Variants in PFKFB3 observed in about 807,000 individuals in gnomAD.
PFKFB3 encodes 6-phosphofructo-2-kinase/fructose-2,6-bisphosphatase 3.
PFKFB3 carries 33 observed loss-of-function variants against 68.0 expected under a neutral mutation model. The ratio of observed to expected loss-of-function variants is 0.49; its 90% CI spans 0.37 to 0.65. The LOEUF (loss-of-function observed/expected upper bound fraction) is 0.65. Ranked by LOEUF, PFKFB3 falls within the 30% of genes least tolerant of loss-of-function variation. The probability of loss-of-function intolerance (pLI) is 0.00; values close to 1 mark genes in which losing one functional copy is unlikely to be tolerated. For synonymous variants in PFKFB3, 315 were observed against 288.2 expected, an observed-to-expected ratio of 1.09 and a Z score of -0.94; for missense variants, 586 against 712.2, an observed-to-expected ratio of 0.82 and a Z score of 2.02.
chr10:6,226,041 C>G, intron 13 of PFKFB3, 151 bp from the exon 14 acceptor site: 1 of 651,516 alleles, frequency 1.5e-6, no homozygotes, highest in Non-Finnish European at 2.7e-6. Context: ...ACTCAGCAGC[C>G]CATGGTCCCT....
chr10:6,157,322 G>A (rs1338589736), intron 1 of PFKFB3, among the ~76,000 whole-genome samples: 2 of 151,532 alleles, frequency 1.3e-5, no homozygotes, highest in African/African-American at 4.8e-5. Flanking sequence ...CACCTCCTGG[G>A]TTCACGCCAT....
chr10:6,316,946 T>G, the PFKFB3 span, among the ~76,000 whole-genome samples: 1 of 152,186 alleles, frequency 6.6e-6, no homozygotes, highest in South Asian at 2.1e-4. Context: ...GTCCACTTTT[T>G]GTACTCCAAA....
chr10:6,294,256 C>A, the PFKFB3 span: 14 of 529,312 alleles, frequency 2.6e-5, no homozygotes, highest in East Asian at 7.6e-4. Flanking sequence ...GGGTTTGCAG[C>A]AAAAGCAGTG....
chr10:6,223,192 C>T (rs1321044209), intron 11 of PFKFB3, among the ~76,000 whole-genome samples: 2 of 152,158 alleles, frequency 1.3e-5, no homozygotes, highest in African/African-American at 2.4e-5. Context: ...CTGTGGAGCC[C>T]AGGTTGATGC....
At chr10:6,268,070 T>TGTCC in the PFKFB3 span, among the ~76,000 whole-genome samples, 3 of 151,840 alleles carry the variant, frequency 2.0e-5, no homozygotes, top group Non-Finnish European at 4.4e-5. Context: ...GCAGTTCTCA[T>TGTCC]GTCCGCTGCT....
chr10:6,247,572 C>G (rs926382894), intron 14 of PFKFB3, among the ~76,000 whole-genome samples: 1 of 152,208 alleles, frequency 6.6e-6, no homozygotes, highest in Non-Finnish European at 1.5e-5. Context: ...CTCCCCTCTC[C>G]CCGCCAGCCC....
chr10:6,283,092 A>G, the PFKFB3 span, among the ~76,000 whole-genome samples: 1 of 152,140 alleles, frequency 6.6e-6, no homozygotes, highest in Non-Finnish European at 1.5e-5. Flanking sequence ...CAGCCTCCTG[A>G]GTAGCTGGGA....
the PFKFB3 span, among the ~76,000 whole-genome samples, chr10:6,267,521 A>T: frequency 6.6e-6 from 1 of 152,154 alleles, no homozygotes; most frequent in Non-Finnish European, 1.5e-5. Flanking sequence ...GTCAAACAGA[A>T]AGTGCGGTGT....
chr10:6,215,145 C>A lies in PFKFB3; in HGVS notation c.203-76C>A. The A allele has an allele frequency of 7.8e-7, 1 of 1,287,704 alleles. No individual in the cohort carries two copies. The highest frequency in any genetic ancestry group is 1.1e-6 in the Non-Finnish European group (1 of 891,316). The allele number at this position is 1,287,704 out of a possible 1,614,324, so 79.8% of individuals were successfully genotyped here. On this transcript the variant is annotated intron_variant, in intron 2 of 14. Coordinates refer to ENST00000379775, the MANE Select transcript of PFKFB3 (RefSeq NM_004566.4). This position sits in a 1 kb window ranked among gnomAD's most constrained non-coding sequence, Gnocchi z 4.3. ...TTGGCCTGGTGGCTCTTCCTTTGGT[C>A]GATCCTATGGTCCCGGTGTGAGCTG...
chr10:6,323,722 G>A, the PFKFB3 span, among the ~76,000 whole-genome samples: 9 of 152,096 alleles, frequency 5.9e-5, no homozygotes, highest in Admixed American at 1.3e-4. Context: ...ACTTCACACC[G>A]AAGCCAATGA....
At chr10:6,200,152 C>T (rs1382558981), upstream of PFKFB3, among the ~76,000 whole-genome samples, 1 of 152,180 alleles carries the variant, frequency 6.6e-6, no homozygotes, top group East Asian at 1.9e-4. Context: ...TCCCATAAAG[C>T]AAGTGGGGTT....
At chr10:6,155,728 G>A (rs994664417) in intron 1 of PFKFB3, among the ~76,000 whole-genome samples, 12 of 152,004 alleles carry the variant, frequency 7.9e-5, no homozygotes, top group African/African-American at 2.9e-4. Context: ...ATATTTCCCC[G>A]GTTTCAACCT....
chr10:6,242,054 C>G (rs1043547364), intron 14 of PFKFB3, among the ~76,000 whole-genome samples: 1 of 152,016 alleles, frequency 6.6e-6, no homozygotes, highest in African/African-American at 2.4e-5. Flanking sequence ...CTATTTTGCC[C>G]AGGCTGGTCT....
the PFKFB3 span, among the ~76,000 whole-genome samples, chr10:6,310,241 G>A: frequency 2.0e-5 from 3 of 152,006 alleles, no homozygotes; most frequent in Non-Finnish European, 4.4e-5. Flanking sequence ...GCAGTGACCG[G>A]GGGTGTCCAG....
At chr10:6,191,045 G>A (rs1350751050) in intron 1 of PFKFB3, among the ~76,000 whole-genome samples, 1 of 152,106 alleles carries the variant, frequency 6.6e-6, no homozygotes, top group African/African-American at 2.4e-5. Flanking sequence ...GCCTCTCAAA[G>A]TGCTGGGATT....
At chr10:6,159,919 T>A (rs1841923903) in intron 1 of PFKFB3, among the ~76,000 whole-genome samples, 1 of 151,178 alleles carries the variant, frequency 6.6e-6, no homozygotes, top group Admixed American at 6.6e-5. Flanking sequence ...CCACCATGCC[T>A]GGCTATTGTT....
At chr10:6,314,396 C>T in the PFKFB3 span, among the ~76,000 whole-genome samples, 46 of 152,274 alleles carry the variant, frequency 3.0e-4, no homozygotes, top group African/African-American at 9.1e-4. Context: ...AGGTAGAGAT[C>T]TTTTCTTTGT....
At chr10:6,193,487 A>G (rs1035227299) in intron 1 of PFKFB3, among the ~76,000 whole-genome samples, 6 of 152,354 alleles carry the variant, frequency 3.9e-5, no homozygotes, top group Middle Eastern at 3.4e-3. Flanking sequence ...CTGTGGTAGG[A>G]TCTGGTGATT....
intron 1 of PFKFB3, among the ~76,000 whole-genome samples, chr10:6,163,008 GCA>G (rs904328013): frequency 6.6e-6 from 1 of 152,206 alleles, no homozygotes; most frequent in Non-Finnish European, 1.5e-5. Context: ...CAGTCCAGCA[GCA>G]CAGAGTTCTT....
Sources: gnomAD v4.1 joint callset for allele counts (sites outside exome capture counted in the v4.1 genomes callset) on GRCh38, gnomAD v4.1.1 for gene constraint, Gnocchi (gnomAD v3.1) non-coding constraint, MANE v1.5 for transcripts, NCBI Gene and HGNC (gene_info 2026-07-23, HGNC 2026-07-21) for gene names.